ITGA9: variants seen among roughly 807,000 people sequenced by gnomAD.
ITGA9 encodes integrin alpha-9.
Under a neutral mutation model 127.8 loss-of-function variants are expected in ITGA9, and 56 were observed. That is an observed-to-expected ratio of 0.44 (90% CI 0.35 to 0.55). ITGA9 has a LOEUF of 0.55. Ranked by LOEUF, ITGA9 falls within the 20% of genes least tolerant of loss-of-function variation. ITGA9 has a pLI of 0.00. For missense variants in ITGA9, 1,196 were observed against 1,347.1 expected, an observed-to-expected ratio of 0.89 and a Z score of 1.76; for synonymous variants, 508 against 514.5, an observed-to-expected ratio of 0.99 and a Z score of 0.17.
chr3:37,721,379 A>G (rs1013884506), intron 18 of ITGA9, among the ~76,000 whole-genome samples: 2 of 151,884 alleles, frequency 1.3e-5, no homozygotes, highest in African/African-American at 4.8e-5. Flanking sequence ...GCCTCCCAAA[A>G]TGCCGGGATT....
At position 37,523,998 on chromosome 3, in the gene ITGA9, G is replaced by A. The variant is rs574763961; in HGVS notation, c.1327+387G>A. On this transcript the variant is annotated intron_variant, in intron 12 of 27. Coordinates refer to ENST00000264741, the MANE Select transcript of ITGA9 (RefSeq NM_002207.3). ...AGGGAAAAAGAGCAGCACCCCCACC[G>A]CCCCCTGCCCCTACTCTTGAAATAA... Among the ~76,000 whole-genome samples the A allele has an allele frequency of 4.6e-5, 7 of 152,030 alleles. No individual in the cohort carries two copies. In the South Asian group the frequency reaches 8.3e-4, roughly 18 times the overall value.
intron 18 of ITGA9, among the ~76,000 whole-genome samples, chr3:37,712,669 A>C (rs376874324): frequency 6.6e-6 from 1 of 152,130 alleles, no homozygotes; most frequent in African/African-American, 2.4e-5. Context: ...TTCGTTCTCA[A>C]ACAGGCTCTC....
At position 37,638,029 on chromosome 3, in the gene ITGA9, A is replaced by G. The variant is rs563437155; in HGVS notation, c.1839+8693A>G. Among the ~76,000 whole-genome samples the G allele has an allele frequency of 2.0e-5, 3 of 152,280 alleles. No homozygotes were observed. The South Asian group carries it at 6.2e-4, about 32-fold the overall frequency. On this transcript the variant is annotated intron_variant, in intron 16 of 27. Coordinates refer to ENST00000264741, the MANE Select transcript of ITGA9 (RefSeq NM_002207.3). ...GATTCTCATGCAGCTAAAGTATGAG[A>G]ACTGATACAGTAGAGGAGTTAAACT... is the stretch of plus-strand genomic sequence containing the variant.
intron 1 of ITGA9, among the ~76,000 whole-genome samples, chr3:37,466,007 G>A (rs1698366033): frequency 6.6e-6 from 1 of 152,066 alleles, no homozygotes; most frequent in Non-Finnish European, 1.5e-5. Context: ...ACCTCCTCTG[G>A]CCACCTGCTT....
intron 14 of ITGA9, among the ~76,000 whole-genome samples, chr3:37,538,077 T>G (rs998321983): frequency 2.0e-5 from 3 of 152,158 alleles, no homozygotes; most frequent in African/African-American, 7.2e-5. Context: ...GGAATCAAGC[T>G]GGCAGTTCTG....
intron 24 of ITGA9, among the ~76,000 whole-genome samples, chr3:37,778,872 G>GTTTTTTTTTTTTTTTTTTTTTTTT (rs10583231): frequency 9.4e-6 from 1 of 106,260 alleles, no homozygotes; most frequent in African/African-American, 3.6e-5. Context: ...GAAAGGTTGG[G>GTTTTTTTTTTTTTTTTTTTTTTTT]TTTTTTTTTT....
At chr3:37,749,363 G>A (rs556475503) in intron 22 of ITGA9, 6 of 152,988 alleles carry the variant, frequency 3.9e-5, no homozygotes, top group South Asian at 4.1e-4. Context: ...TTTTGAGGTC[G>A]CTTGATTAGC....
intron 18 of ITGA9, among the ~76,000 whole-genome samples, chr3:37,717,662 G>A (rs1428438619): frequency 6.6e-6 from 1 of 152,050 alleles, no homozygotes; most frequent in Non-Finnish European, 1.5e-5. Context: ...AGAACAATAA[G>A]GGGAAAATCC....
chr3:37,601,469 G>A (rs1042790414), intron 15 of ITGA9, among the ~76,000 whole-genome samples: 1 of 152,056 alleles, frequency 6.6e-6, no homozygotes, highest in Admixed American at 6.5e-5. Flanking sequence ...ATGGAGATGG[G>A]GTATAAACAT....
chr3:37,510,024 CTTT>C (rs5848025), intron 8 of ITGA9, among the ~76,000 whole-genome samples: 9 of 136,234 alleles, frequency 6.6e-5, no homozygotes, highest in Non-Finnish European at 7.8e-5. Context: ...TAAAGGATTC[CTTT>C]TTTTTTTTTT....
chr3:37,801,647 A>T (rs1314134649), intron 26 of ITGA9, among the ~76,000 whole-genome samples: 3 of 152,150 alleles, frequency 2.0e-5, no homozygotes, highest in Non-Finnish European at 4.4e-5. Flanking sequence ...AAAATAAAAT[A>T]AAAACTAAAA....
intron 15 of ITGA9, among the ~76,000 whole-genome samples, chr3:37,581,652 G>A (rs1699710852): frequency 6.6e-6 from 1 of 152,220 alleles, no homozygotes; most frequent in Non-Finnish European, 1.5e-5. Flanking sequence ...TGGAAAGCAA[G>A]ACAATGTCTC....
intron 18 of ITGA9, among the ~76,000 whole-genome samples, chr3:37,692,416 T>A (rs868720762): frequency 0.02 from 2,953 of 148,250 alleles, 62 homozygotes; most frequent in African/African-American, 0.054. Flanking sequence ...AGAGAGAGTG[T>A]GTGTGTGTGT....
At chr3:37,619,341 A>G (rs985048635) in intron 15 of ITGA9, among the ~76,000 whole-genome samples, 2 of 152,184 alleles carry the variant, frequency 1.3e-5, no homozygotes, top group African/African-American at 4.8e-5. Context: ...ATTACATGGT[A>G]TCTTGGATTT....
At chr3:37,746,693 T>C (rs1471693545) in intron 22 of ITGA9, among the ~76,000 whole-genome samples, 3 of 152,234 alleles carry the variant, frequency 2.0e-5, no homozygotes, top group Non-Finnish European at 2.9e-5. Context: ...TTCAAATTAG[T>C]TATTTCAGCT....
In ITGA9 at chr3:37,508,615, A is replaced by C. The variant is rs1476415724; in HGVS notation, c.885A>C (p.Ala295=). 6.2e-7 allele frequency: 1 copy of C among 1,613,514 alleles called. No individual in the cohort carries two copies. The highest frequency in any genetic ancestry group is 1.1e-5 in the South Asian group (1 of 91,062). Residue 295 remains alanine, a synonymous_variant, in exon 8 of 28, where the codon GCA becomes GCC. Transcript: ENST00000264741. The part of the protein sequence containing the change: ...RSGTLIKIFQ[A]SGKKMGSYFG... ...GCACCTTAATTAAGATCTTTCAAGC[A>C]TCAGGTAAAAAGGTGAGGTTCTTGG...
At chr3:37,711,550 C>T (rs373770599) in intron 18 of ITGA9, among the ~76,000 whole-genome samples, 1 of 152,124 alleles carries the variant, frequency 6.6e-6, no homozygotes, top group African/African-American at 2.4e-5. Context: ...ACTATAGTCA[C>T]GTGCCACCAC....
Position 37,821,013 on chromosome 3 carries a change from C to A in ITGA9, c.*2024C>A, listed in dbSNP as rs372891603. ...TATGAGGGTGATGGGTGGGTACTAA[C>A]CTGGCATGGAGCAGGTGTGTCTTTT... On this transcript the variant is annotated 3_prime_UTR_variant, in exon 28 of 28. Transcript: ENST00000264741. 4.7e-4 allele frequency: 72 copies of A among 152,268 alleles called. No homozygotes were observed. The highest frequency in any genetic ancestry group is 1.6e-3 in the African/African-American group (65 of 41,550). The allele number at this position is 152,268 out of a possible 1,614,324, so 9.4% of individuals were successfully genotyped here.
At position 37,542,515 on chromosome 3, in the gene ITGA9, G is replaced by A; in HGVS notation, c.1619G>A (p.Gly540Asp). ...TTTGTGCTGCTGGGAGAGACCATGG[G>A]TCAGGTCACAGAGAAGCTGCAGCTG... Reference protein sequence around the residue: ...VYFVLLGETMGQVTEKLQLTY... With the variant: ...VYFVLLGETMDQVTEKLQLTY... Residue 540 changes from glycine (G) to aspartate (D), a missense_variant, in exon 15 of 28, where the codon GGT becomes GAT. Gly to Asp is a moderately conservative substitution (Grantham distance 94). Coordinates refer to ENST00000264741, the MANE Select transcript of ITGA9 (RefSeq NM_002207.3). The A allele has an allele frequency of 6.2e-7, 1 of 1,614,152 alleles. No homozygotes were observed. The highest frequency in any genetic ancestry group is 8.5e-7 in the Non-Finnish European group (1 of 1,180,028).
Sources: allele counts gnomAD v4.1 joint callset (sites outside exome capture counted in the v4.1 genomes callset), GRCh38; gene constraint gnomAD v4.1.1; transcripts MANE v1.5; gene names NCBI Gene and HGNC (gene_info 2026-07-23, HGNC 2026-07-21).